The following CPE variants were observed in gnomAD, a reference collection of about 807,000 sequenced individuals.
CPE encodes the protein carboxypeptidase E.
Under a neutral mutation model 53.5 loss-of-function variants are expected in CPE, and 17 were observed. The ratio of observed to expected loss-of-function variants is 0.32; its 90% CI spans 0.22 to 0.48. CPE has a LOEUF of 0.48. Among genes scored for constraint, CPE ranks in the 20% least tolerant of loss-of-function variants. The probability of loss-of-function intolerance (pLI) is 0.99; values close to 1 mark genes in which losing one functional copy is unlikely to be tolerated. For missense variants in CPE, 524 were observed against 614.7 expected, an observed-to-expected ratio of 0.85 and a Z score of 1.56; for synonymous variants, 226 against 228.8, an observed-to-expected ratio of 0.99 and a Z score of 0.11.
intron 1 of CPE, chr4:165,404,952 G>T: frequency 1.3e-6 from 1 of 758,674 alleles, no homozygotes; most frequent in Non-Finnish European, 2.5e-6. Context: ...AAGACGTAGT[G>T]ATCTGGAATC....
chr4:165,404,034 G>C, intron 1 of CPE: 1 of 858,440 alleles, frequency 1.2e-6, no homozygotes, highest in Non-Finnish European at 2.0e-6. Context: ...GCTGGGGTTA[G>C]TGCACTGACT....
chr4:165,472,937 A>G lies in CPE; in HGVS notation c.672+5082A>G, dbSNP rs376562589. ...ACCTGCTAAGTAAGTGATTCTGACT[A>G]TGTACTAGGTTTGCAGCTTAGGACA... On this transcript the variant is annotated intron_variant, in intron 3 of 8. Coordinates refer to ENST00000402744, the MANE Select transcript of CPE (RefSeq NM_001873.4). Among the ~76,000 whole-genome samples, 11 of 148,406 alleles carry G rather than the reference A, an allele frequency of 7.4e-5. 1 individual carries two copies. Among genetic ancestry groups the G allele is most frequent in the Admixed American group, 3.3e-4 (5 of 15,134 alleles).
intron 1 of CPE, among the ~76,000 whole-genome samples, chr4:165,422,339 T>G (rs1203691349): frequency 7.0e-6 from 1 of 142,324 alleles, no homozygotes; most frequent in African/African-American, 2.5e-5. Context: ...TAATTATTTT[T>G]TATCTATTTA....
At chr4:165,382,109 C>G (rs1172001253) in intron 1 of CPE, among the ~76,000 whole-genome samples, 1 of 141,320 alleles carries the variant, frequency 7.1e-6, no homozygotes, top group Non-Finnish European at 1.5e-5. Context: ...ACAGTAAGGT[C>G]AGCAGGTCAG....
At chr4:165,430,283 C>T (rs944775469) in intron 1 of CPE, among the ~76,000 whole-genome samples, 1 of 152,102 alleles carries the variant, frequency 6.6e-6, no homozygotes, top group Non-Finnish European at 1.5e-5. Context: ...CCTTCTTGTT[C>T]TCTGAGAAAA....
chr4:165,434,344 T>C (rs781538956), intron 1 of CPE, among the ~76,000 whole-genome samples: 1 of 152,140 alleles, frequency 6.6e-6, no homozygotes, highest in Non-Finnish European at 1.5e-5. Flanking sequence ...AATGTGAACA[T>C]TGATATTGGA....
intron 1 of CPE, among the ~76,000 whole-genome samples, chr4:165,423,299 T>C (rs891303522): frequency 6.6e-5 from 10 of 152,186 alleles, no homozygotes; most frequent in African/African-American, 2.4e-4. Flanking sequence ...GGTTGACTTT[T>C]CCTTTTAGCT....
chr4:165,443,209 A>C (rs142485531), intron 1 of CPE, among the ~76,000 whole-genome samples: 24 of 152,324 alleles, frequency 1.6e-4, no homozygotes, highest in African/African-American at 5.5e-4. Flanking sequence ...AGCACAGCAT[A>C]GGGCAAATGG....
chr4:165,407,767 G>C (rs1354276480), intron 1 of CPE, among the ~76,000 whole-genome samples: 1 of 151,874 alleles, frequency 6.6e-6, no homozygotes, highest in Non-Finnish European at 1.5e-5. Flanking sequence ...TGTTGGCCAG[G>C]CTGGTCTTGA....
rs1732067300 is a variant in CPE at position 165,464,574 on chromosome 4, G to A, written c.492G>A (p.Lys164=). The A allele has an allele frequency of 6.2e-7, 1 of 1,610,726 alleles. No individual in the cohort carries two copies. Among genetic ancestry groups the A allele is most frequent in the Non-Finnish European group, 8.5e-7 (1 of 1,177,950 alleles). ...MPSLNPDGFE[K]AASQPGELKD... is the part of the protein sequence containing the mutation. ...CCCTGAACCCAGATGGCTTTGAGAA[G>A]GCAGCGTCTCAGGTGAGTGCCAGGC... Residue 164 remains lysine, a synonymous_variant, in exon 2 of 9, where the codon AAG becomes AAA. Coordinates refer to ENST00000402744, the MANE Select transcript of CPE (RefSeq NM_001873.4).
intron 1 of CPE, among the ~76,000 whole-genome samples, chr4:165,389,721 A>G (rs1730649685): frequency 6.6e-6 from 1 of 152,268 alleles, no homozygotes; most frequent in Non-Finnish European, 1.5e-5. Context: ...GCAAATAAAT[A>G]TTATTAAATG....
intron 1 of CPE, among the ~76,000 whole-genome samples, chr4:165,393,239 A>G (rs1422343263): frequency 6.6e-6 from 1 of 152,192 alleles, no homozygotes; most frequent in African/African-American, 2.4e-5. Flanking sequence ...GATTTTCTCC[A>G]TGCTTTGGCA....
chr4:165,407,290 G>A (rs1298235002), intron 1 of CPE, among the ~76,000 whole-genome samples: 2 of 152,156 alleles, frequency 1.3e-5, no homozygotes, highest in Non-Finnish European at 2.9e-5. Context: ...TCTACTGGGT[G>A]TGAAGTGATA....
intron 1 of CPE, among the ~76,000 whole-genome samples, chr4:165,418,631 G>A (rs1731161837): frequency 1.3e-5 from 2 of 152,110 alleles, no homozygotes; most frequent in Non-Finnish European, 2.9e-5. Flanking sequence ...AACGTGTTTT[G>A]TTTTGCATAA....
chr4:165,457,893 C>G (rs1207374021), intron 1 of CPE, among the ~76,000 whole-genome samples: 1 of 152,120 alleles, frequency 6.6e-6, no homozygotes, highest in African/African-American at 2.4e-5. Context: ...CATCCTACCC[C>G]CTCGTGTTGT....
chr4:165,384,668 G>C (rs1471019464), intron 1 of CPE, among the ~76,000 whole-genome samples: 2 of 152,108 alleles, frequency 1.3e-5, no homozygotes, highest in South Asian at 4.1e-4. Flanking sequence ...CTTGGAAGTA[G>C]TGTTACACTT....
chr4:165,487,308 G>C, intron 5 of CPE, 130 bp from the exon 6 acceptor site: 1 of 1,274,452 alleles, frequency 7.8e-7, no homozygotes, highest in Non-Finnish European at 1.1e-6. Flanking sequence ...TTTCCCTTAA[G>C]TTTTCCCACA....
At position 165,464,409 on chromosome 4, in the gene CPE, C is replaced by A; in HGVS notation, c.327C>A (p.Tyr109Ter). The A allele has an allele frequency of 6.2e-7, 1 of 1,608,874 alleles. No individual in the cohort carries two copies. ...VHEPGEPEFK[Y>*]IGNMHGNEAV... is the part of the protein sequence containing the mutation. ...TTTTAGGTGAGCCTGAATTTAAATA[C>A]ATTGGGAATATGCATGGGAATGAGG... is the stretch of plus-strand genomic sequence containing the variant. Residue 109 changes from tyrosine (Y) to a stop codon, truncating the protein, a stop_gained, in exon 2 of 9, where the codon TAC (tyrosine) becomes TAA (stop). Coordinates refer to ENST00000402744, the MANE Select transcript of CPE (RefSeq NM_001873.4). LOFTEE classifies it high-confidence loss of function.
At chr4:165,481,017 T>TATATATATATATATATA (rs1553978734) in intron 3 of CPE, among the ~76,000 whole-genome samples, 17 of 42,170 alleles carry the variant, frequency 4.0e-4, no homozygotes, top group African/African-American at 8.4e-4. Flanking sequence ...TATATATATA[T>TATATATATATATATATA]TTTTTTTTTT....
Sources: allele counts gnomAD v4.1 joint callset (sites outside exome capture counted in the v4.1 genomes callset), GRCh38; gene constraint gnomAD v4.1.1; transcripts MANE v1.5; gene names NCBI Gene and HGNC (gene_info 2026-07-23, HGNC 2026-07-21).